OR10A6: variants seen among roughly 807,000 people sequenced by gnomAD.
OR10A6 encodes olfactory receptor 10A6.
Under a neutral mutation model 1.5 loss-of-function variants are expected in OR10A6, and 2 were observed. The observed-to-expected ratio is 1.31, with a 90% CI of 0.54 to 4.13. The LOEUF is 4.13. Ranked by LOEUF, OR10A6 falls within the 30% of genes most tolerant of loss-of-function variation. The probability of loss-of-function intolerance (pLI) is 0.07; values close to 1 mark genes in which losing one functional copy is unlikely to be tolerated. For synonymous variants in OR10A6, 169 were observed against 137.3 expected (o/e 1.23, Z -1.61); for missense variants, 492 against 368.6 (o/e 1.33, Z -2.74).
Position 7,929,975 on chromosome 11 carries a change from T to TATATATATAC in OR10A6, c.-1314_-1313insGTATATATAT, listed in dbSNP as rs1564867577. The TATATATATAC allele has an allele frequency of 1.1e-4, 4 of 35,202 alleles. 1 individual carries two copies. Among genetic ancestry groups the TATATATATAC allele is most frequent in the African/African-American group, 3.2e-4 (4 of 12,572 alleles). 2.2% of individuals were successfully genotyped at this position (35,202 alleles called of 1,614,324 possible). A position where few individuals can be genotyped will look rare whatever the true frequency, so the allele number is the denominator to read the frequency against. ...GTATGTGTATGTGTATGTATATATA[T>TATATATATAC]ATATATATATATATATATAAAATCC... is the stretch of plus-strand genomic sequence containing the variant. On this transcript the variant is annotated 5_prime_UTR_variant, in exon 4 of 4. It adds an upstream start codon to the 5' untranslated region. Coordinates refer to ENST00000641238, the MANE Select transcript of OR10A6 (RefSeq NM_001004461.2).
rs559631421 is a variant in OR10A6 at position 7,927,947 on chromosome 11, G to A, written c.716C>T (p.Ser239Phe). 46 of 1,613,836 alleles carry A rather than the reference G, an allele frequency of 2.9e-5. No homozygotes were observed. Among genetic ancestry groups the A allele is most frequent in the Non-Finnish European group, 3.3e-5 (39 of 1,179,996 alleles). ...PSTTGRQKAF[S>F]TCAAHLTSVT... ...AGATGTGAGGTGAGCGGCACAGGTG[G>A]AAAAGGCCTTTTGTCTCCCAGTGGT... Residue 239 changes from serine to phenylalanine, a missense_variant, in exon 4 of 4, where the codon TCC (serine) becomes TTC (phenylalanine). Coordinates refer to ENST00000641238, the MANE Select transcript of OR10A6 (RefSeq NM_001004461.2).
rs1339002367 is a variant in OR10A6, at chr11:7,929,996, A to ATATATGTATATATATATATATATG, written c.-1335_-1334insCATATATATATATATATACATATA. ...TATATATATATATATATATATATAA[A>ATATATGTATATATATATATATATG]ATCCCTCACTAGAGCTTAGCTCCCA... On this transcript the variant is annotated 5_prime_UTR_variant, in exon 4 of 4. Transcript: ENST00000641238. 2.5e-5 allele frequency: 2 copies of ATATATGTATATATATATATATATG among 80,106 alleles called. No individual in the cohort carries two copies. The highest frequency in any genetic ancestry group is 5.9e-5 in the Non-Finnish European group (2 of 34,066). The allele number at this position is 80,106 out of a possible 1,614,324, so 5.0% of individuals were successfully genotyped here.
rs756539955 is a variant in OR10A6 at position 7,927,846 on chromosome 11, C to G, written c.817G>C (p.Val273Leu). The part of the protein sequence containing the change: ...KSGYSPETKK[V>L]MSLSYSLLTP... ...AGAAGTGAGTAAGACAATGACATCA[C>G]TTTCTTGGTTTCCGGTGAGTAGCCA... The change falls in exon 4 of 4, where the codon GTG becomes CTG. Residue 273 changes from valine to leucine, a missense_variant. Physicochemically the swap from Val to Leu is conservative, Grantham distance 32 (BLOSUM62 1). Transcript: ENST00000641238. 1.2e-6 allele frequency: 2 copies of G among 1,613,986 alleles called. No homozygotes were observed. The highest frequency in any genetic ancestry group is 8.5e-7 in the Non-Finnish European group (1 of 1,179,954).
Position 7,924,694 on chromosome 11 carries a change from A to G in OR10A6, c.*3024T>C, listed in dbSNP as rs2133601762. On this transcript the variant is annotated 3_prime_UTR_variant, in exon 4 of 4. Coordinates refer to ENST00000641238, the MANE Select transcript of OR10A6 (RefSeq NM_001004461.2). Reference sequence around the variant, plus strand: ...AACAGTCAGTAAACAAATAGGCAGGAGAGGAATGATAAGGTCACTACGCAA... The same window carrying G: ...AACAGTCAGTAAACAAATAGGCAGGGGAGGAATGATAAGGTCACTACGCAA... The G allele has an allele frequency of 6.6e-6, 1 of 152,252 alleles. No homozygotes were observed. Among genetic ancestry groups the G allele is most frequent in the East Asian group, 1.9e-4 (1 of 5,174 alleles). 9.4% of individuals were successfully genotyped at this position (152,252 alleles called of 1,614,324 possible).
rs1453321368 is a variant in OR10A6, at chr11:7,926,630, G to C, written c.*1088C>G. 1 of 152,098 alleles carries C rather than the reference G, an allele frequency of 6.6e-6. No individual in the cohort carries two copies. The highest frequency in any genetic ancestry group is 1.5e-5 in the Non-Finnish European group (1 of 68,012). 9.4% of individuals were successfully genotyped at this position (152,098 alleles called of 1,614,324 possible). A position where few individuals can be genotyped will look rare whatever the true frequency, so the allele number is the denominator to read the frequency against. On this transcript the variant is annotated 3_prime_UTR_variant, in exon 4 of 4. Coordinates refer to ENST00000641238, the MANE Select transcript of OR10A6 (RefSeq NM_001004461.2). ...CTTTATTACCCCACCTCCACCCCCA[G>C]AGCAGAAATGAAGGGTGTTGTCAAC...
In OR10A6 at chr11:7,927,612, A is replaced by G; in HGVS notation, c.*106T>C. ...TCAAACTTGGAGAACACAATAAATTAGTCATACTCATGCCAAAAAATGCAA... is the reference window on the plus strand; with the variant it reads ...TCAAACTTGGAGAACACAATAAATTGGTCATACTCATGCCAAAAAATGCAA... On this transcript the variant is annotated 3_prime_UTR_variant, in exon 4 of 4. Transcript: ENST00000641238. 1.5e-6 allele frequency: 1 copy of G among 681,800 alleles called. No individual in the cohort carries two copies. The highest frequency in any genetic ancestry group is 2.7e-5 in the East Asian group (1 of 36,814). The allele number at this position is 681,800 out of a possible 1,614,324, so 42.2% of individuals were successfully genotyped here. A position where few individuals can be genotyped will look rare whatever the true frequency, so the allele number is the denominator to read the frequency against.
Position 7,928,707 on chromosome 11 carries a change from A to G in OR10A6, c.-45T>C, listed in dbSNP as rs1276000071. ...CATTGATTTTATGGACATAGTATAT[A>G]CAGAATAAAGCCACAGTCCATTAGC... On this transcript the variant is annotated 5_prime_UTR_variant, in exon 4 of 4. Coordinates refer to ENST00000641238, the MANE Select transcript of OR10A6 (RefSeq NM_001004461.2). 2 of 1,409,610 alleles carry G rather than the reference A, an allele frequency of 1.4e-6. No individual in the cohort carries two copies. The highest frequency in any genetic ancestry group is 9.6e-7 in the Non-Finnish European group (1 of 1,036,286). 87.3% of individuals were successfully genotyped at this position (1,409,610 alleles called of 1,614,324 possible). A position where few individuals can be genotyped will look rare whatever the true frequency, so the allele number is the denominator to read the frequency against.
chr11:7,930,717 A>G (rs1339960059), intron 3 of OR10A6, 144 bp downstream of exon 3: 1 of 152,206 alleles, frequency 6.6e-6, no homozygotes, highest in Non-Finnish European at 1.5e-5. Context: ...AAAAAAGAAC[A>G]ACATGTATTC....
Position 7,928,325 on chromosome 11 carries a change from A to G in OR10A6, c.338T>C (p.Phe113Ser), listed in dbSNP as rs141617881. The G allele has an allele frequency of 1.2e-6, 2 of 1,613,950 alleles. No individual in the cohort carries two copies. The highest frequency in any genetic ancestry group is 1.7e-6 in the Non-Finnish European group (2 of 1,179,960). Residue 113 changes from phenylalanine (F) to serine (S), a missense_variant, in exon 4 of 4, where the codon TTT (phenylalanine) becomes TCT (serine). Phe to Ser is a radical substitution (Grantham distance 155). Coordinates refer to ENST00000641238, the MANE Select transcript of OR10A6 (RefSeq NM_001004461.2). Reference sequence around the variant, plus strand: ...GTCATAAGCCATTGCTCCCAGAAGAAAACATTCAGCCCCACCAAAAAGAAG... The same window carrying G: ...GTCATAAGCCATTGCTCCCAGAAGAGAACATTCAGCCCCACCAAAAAGAAG... ...FILLFGGAEC[F>S]LLGAMAYDRF... is the part of the protein sequence containing the mutation.
Position 7,926,218 on chromosome 11 carries a change from C to G in OR10A6, c.*1500G>C, listed in dbSNP as rs986302692. 6.6e-6 allele frequency: 1 copy of G among 152,436 alleles called. No individual in the cohort carries two copies. Among genetic ancestry groups the G allele is most frequent in the African/African-American group, 2.4e-5 (1 of 41,456 alleles). 9.4% of individuals were successfully genotyped at this position (152,436 alleles called of 1,614,324 possible). A position where few individuals can be genotyped will look rare whatever the true frequency, so the allele number is the denominator to read the frequency against. On this transcript the variant is annotated 3_prime_UTR_variant, in exon 4 of 4. Transcript: ENST00000641238. ...CCAGTAGGGGAACCACCCCCCATATCCCCTCTCTGCTGACAGTTGTTCTGT... is the reference window on the plus strand; with the variant it reads ...CCAGTAGGGGAACCACCCCCCATATGCCCTCTCTGCTGACAGTTGTTCTGT...
chr11:7,927,840 A>G lies in OR10A6; in HGVS notation c.823T>C (p.Ser275Pro), dbSNP rs1262534100. Residue 275 changes from serine (S) to proline (P), a missense_variant, in exon 4 of 4, where the codon TCA becomes CCA. Coordinates refer to ENST00000641238, the MANE Select transcript of OR10A6 (RefSeq NM_001004461.2). ...GYSPETKKVM[S>P]LSYSLLTPLL... ...GGTGTCAGAAGTGAGTAAGACAATG[A>G]CATCACTTTCTTGGTTTCCGGTGAG... The G allele has an allele frequency of 1.9e-6, 3 of 1,613,920 alleles. No individual in the cohort carries two copies. The highest frequency in any genetic ancestry group is 2.5e-6 in the Non-Finnish European group (3 of 1,179,884).
Position 7,925,386 on chromosome 11 carries a change from A to G in OR10A6, c.*2332T>C, listed in dbSNP as rs1030446007. 7 of 152,168 alleles carry G rather than the reference A, an allele frequency of 4.6e-5. No homozygotes were observed. Among genetic ancestry groups the G allele is most frequent in the African/African-American group, 1.7e-4 (7 of 41,452 alleles). The allele number at this position is 152,168 out of a possible 1,614,324, so 9.4% of individuals were successfully genotyped here. ...CACATACAAATTTAGAATTAGAGTG[A>G]CCTAATTTCTTATTGTAATTTCATG... is the stretch of plus-strand genomic sequence containing the variant. On this transcript the variant is annotated 3_prime_UTR_variant, in exon 4 of 4. Transcript: ENST00000641238.
rs1290158861 is a variant in OR10A6 at position 7,929,849 on chromosome 11, C to T, written c.-1187G>A. On this transcript the variant is annotated 5_prime_UTR_variant, in exon 4 of 4. Coordinates refer to ENST00000641238, the MANE Select transcript of OR10A6 (RefSeq NM_001004461.2). ...GCATAGAATATAATATATCCTCTAT[C>T]CTTTTTTTAAGAAATATGTGTAAAA... The T allele has an allele frequency of 1.4e-5, 2 of 138,136 alleles. No individual in the cohort carries two copies. Among genetic ancestry groups the T allele is most frequent in the African/African-American group, 5.3e-5 (2 of 37,530 alleles). 8.6% of individuals were successfully genotyped at this position (138,136 alleles called of 1,614,324 possible). A position where few individuals can be genotyped will look rare whatever the true frequency, so the allele number is the denominator to read the frequency against.
At position 7,929,781 on chromosome 11, in the gene OR10A6, C is replaced by T. The variant is rs1239102543; in HGVS notation, c.-1119G>A. 9.7e-5 allele frequency: 13 copies of T among 133,768 alleles called. No homozygotes were observed. Among genetic ancestry groups the T allele is most frequent in the African/African-American group, 3.0e-4 (11 of 36,788 alleles). The allele number at this position is 133,768 out of a possible 1,614,324, so 8.3% of individuals were successfully genotyped here. On this transcript the variant is annotated 5_prime_UTR_variant, in exon 4 of 4. Coordinates refer to ENST00000641238, the MANE Select transcript of OR10A6 (RefSeq NM_001004461.2). ...ACACACACATGCACACATATATATA[C>T]ACAACTGAGTGATTCAGTTCATTGA...
Position 7,929,755 on chromosome 11 carries a change from T to TATATATATATAA in OR10A6, c.-1094_-1093insTTATATATATAT, listed in dbSNP as rs55811645. The TATATATATATAA allele has an allele frequency of 3.1e-5, 3 of 97,272 alleles. No individual in the cohort carries two copies. Among genetic ancestry groups the TATATATATATAA allele is most frequent in the African/African-American group, 1.1e-4 (3 of 27,976 alleles). The allele number at this position is 97,272 out of a possible 1,614,324, so 6.0% of individuals were successfully genotyped here. A position where few individuals can be genotyped will look rare whatever the true frequency, so the allele number is the denominator to read the frequency against. On this transcript the variant is annotated 5_prime_UTR_variant, in exon 4 of 4. Coordinates refer to ENST00000641238, the MANE Select transcript of OR10A6 (RefSeq NM_001004461.2). The stretch of plus-strand genomic sequence containing the variant: ...ATATATATATATATATATATATATA[T>TATATATATATAA]ACACACACATGCACACATATATATA...
Position 7,928,521 on chromosome 11 carries a change from T to C in OR10A6, c.142A>G (p.Ile48Val), listed in dbSNP as rs770526168. The C allele has an allele frequency of 6.2e-7, 1 of 1,613,752 alleles. No individual in the cohort carries two copies. The highest frequency in any genetic ancestry group is 8.5e-7 in the Non-Finnish European group (1 of 1,179,888). ...TLIGNAIIIV[I>V]VSLDQSLHVP... ...TGGAGGCTCTGGTCTAGGGAGACGA[T>C]GACTATAATAATGGCATTTCCTATC... Residue 48 changes from isoleucine (I) to valine (V), a missense_variant, in exon 4 of 4, where the codon ATC (isoleucine) becomes GTC (valine). Coordinates refer to ENST00000641238, the MANE Select transcript of OR10A6 (RefSeq NM_001004461.2).
In OR10A6 at chr11:7,926,774, A is replaced by C. The variant is rs1489831229; in HGVS notation, c.*944T>G. 3.3e-5 allele frequency: 5 copies of C among 152,192 alleles called. No homozygotes were observed. Among genetic ancestry groups the C allele is most frequent in the African/African-American group, 1.2e-4 (5 of 41,458 alleles). 9.4% of individuals were successfully genotyped at this position (152,192 alleles called of 1,614,324 possible). ...GCAATGTGTCTAATTATTCATCTTT[A>C]TATATAACTAGAAAGACTATTATGT... On this transcript the variant is annotated 3_prime_UTR_variant, in exon 4 of 4. Transcript: ENST00000641238.
In OR10A6 at chr11:7,927,985, C is replaced by T; in HGVS notation, c.678G>A (p.Leu226=). 1 of 1,613,902 alleles carries T rather than the reference C, an allele frequency of 6.2e-7. No homozygotes were observed. Among genetic ancestry groups the T allele is most frequent in the Non-Finnish European group, 8.5e-7 (1 of 1,179,972 alleles). Residue 226 remains leucine (L), a synonymous_variant, in exon 4 of 4, where the codon CTG becomes CTA. Transcript: ENST00000641238. ...LSYIRVLFAI[L]KMPSTTGRQK... ...GTCTCCCAGTGGTTGATGGCATCTT[C>T]AGGATGGCAAACAGAACTCGAATGT...
Position 7,924,714 on chromosome 11 carries a change from A to G in OR10A6, c.*3004T>C, listed in dbSNP as rs1859361907. 6.6e-6 allele frequency: 1 copy of G among 152,144 alleles called. No individual in the cohort carries two copies. Among genetic ancestry groups the G allele is most frequent in the Non-Finnish European group, 1.5e-5 (1 of 68,032 alleles). The allele number at this position is 152,144 out of a possible 1,614,324, so 9.4% of individuals were successfully genotyped here. A position where few individuals can be genotyped will look rare whatever the true frequency, so the allele number is the denominator to read the frequency against. On this transcript the variant is annotated 3_prime_UTR_variant, in exon 4 of 4. Coordinates refer to ENST00000641238, the MANE Select transcript of OR10A6 (RefSeq NM_001004461.2). ...GCAGGAGAGGAATGATAAGGTCACT[A>G]CGCAATGCCGTCACAGACCCAGGGG... is the stretch of plus-strand genomic sequence containing the variant.
Sources: allele counts gnomAD v4.1 joint callset, GRCh38; gene constraint gnomAD v4.1.1; transcripts MANE v1.5; gene names NCBI Gene and HGNC (gene_info 2026-07-23, HGNC 2026-07-21).